DOP1B: variants seen among roughly 807,000 people sequenced by gnomAD.
The protein encoded by DOP1B is protein DOP1B.
A neutral mutation model predicts 233.5 loss-of-function variants in DOP1B; 174 were observed. The observed-to-expected ratio is 0.75, with a 90% confidence interval of 0.66 to 0.85. The LOEUF (loss-of-function observed/expected upper bound fraction) is 0.85, where lower values mean the gene tolerates loss of function less well. Among genes scored for constraint, DOP1B ranks in the 40% least tolerant of loss-of-function variants. DOP1B has a pLI of 0.00. For synonymous variants in DOP1B, 1,190 were observed against 1,185.6 expected, an observed-to-expected ratio of 1.00 and a Z score of -0.08; for missense variants, 2,652 against 2,846.6, an observed-to-expected ratio of 0.93 and a Z score of 1.56.
chr21:36,164,556 C>A, intron 1 of DOP1B, 152 bp from the exon 2 acceptor site: 2 of 473,100 alleles, frequency 4.2e-6, no homozygotes, highest in Non-Finnish European at 7.0e-6. Flanking sequence ...CAGTGCCTGG[C>A]CCAGAAGCCT....
intron 23 of DOP1B, among the ~76,000 whole-genome samples, chr21:36,257,630 A>AAG (rs776188664): frequency 6.6e-6 from 1 of 152,156 alleles, no homozygotes; most frequent in Non-Finnish European, 1.5e-5. Flanking sequence ...AGATAGATAG[A>AAG]TAGATAGATA....
intron 15 of DOP1B, among the ~76,000 whole-genome samples, chr21:36,235,203 G>A (rs1349292142): frequency 6.6e-6 from 1 of 152,148 alleles, no homozygotes; most frequent in African/African-American, 2.4e-5. Context: ...TAGCCAGGAC[G>A]TGCCCCCAAT....
chr21:36,203,538 A>C (rs142222484), intron 4 of DOP1B, among the ~76,000 whole-genome samples: 1 of 152,264 alleles, frequency 6.6e-6, no homozygotes, highest in African/African-American at 2.4e-5. Context: ...ACTGCACTCT[A>C]GCCTGGGCAA....
At chr21:36,248,242 C>T in intron 20 of DOP1B, 138 bp from the exon 21 acceptor site, 1 of 794,774 alleles carries the variant, frequency 1.3e-6, no homozygotes, top group Non-Finnish European at 2.0e-6. Context: ...GCTTATTGCT[C>T]CCAGACCACC....
intron 11 of DOP1B, among the ~76,000 whole-genome samples, chr21:36,225,262 C>T (rs1260554731): frequency 1.3e-5 from 2 of 151,242 alleles, no homozygotes; most frequent in Non-Finnish European, 2.9e-5. Flanking sequence ...CAGAGTCTTG[C>T]TCTGTCACCC....
At chr21:36,255,679 G>T (rs1396694534) in intron 23 of DOP1B, among the ~76,000 whole-genome samples, 1 of 152,036 alleles carries the variant, frequency 6.6e-6, no homozygotes, top group East Asian at 1.9e-4. Flanking sequence ...CAATCCTCCT[G>T]CCTCGGCCTC....
At chr21:36,288,564 A>G (rs1221668617) in intron 33 of DOP1B, among the ~76,000 whole-genome samples, 192 bp from the exon 34 acceptor site, 1 of 152,112 alleles carries the variant, frequency 6.6e-6, no homozygotes, top group East Asian at 1.9e-4. Context: ...CATGGCGGGA[A>G]GTTGCATCTG....
intron 11 of DOP1B, among the ~76,000 whole-genome samples, 189 bp downstream of exon 11, chr21:36,223,539 C>T (rs529159342): frequency 7.0e-4 from 107 of 152,204 alleles, no homozygotes; most frequent in Non-Finnish European, 1.3e-3. Context: ...AAAACATCTC[C>T]AATAAGAAGG....
At chr21:36,269,291 G>C (rs542191203) in intron 26 of DOP1B, among the ~76,000 whole-genome samples, 1 of 152,064 alleles carries the variant, frequency 6.6e-6, no homozygotes, top group African/African-American at 2.4e-5. Flanking sequence ...AAGTAGCTGG[G>C]ATTACAGGCA....
intron 2 of DOP1B, among the ~76,000 whole-genome samples, chr21:36,196,080 G>A (rs982832154): frequency 6.6e-6 from 1 of 152,250 alleles, no homozygotes; most frequent in African/African-American, 2.4e-5. Context: ...TGCACAGACT[G>A]AGGGAACCTC....
Position 36,277,004 on chromosome 21 carries a change from G to T in DOP1B, c.5633-17G>T. 1.9e-6 allele frequency: 3 copies of T among 1,613,640 alleles called. No homozygotes were observed. In the East Asian group the frequency reaches 6.7e-5, roughly 36 times the overall value. On this transcript the variant is annotated splice_polypyrimidine_tract_variant and intron_variant, in intron 27 of 36. Transcript: ENST00000691173. Reference sequence around the variant, plus strand: ...ATCCATCATAGTTAACATACAAATGGCTCTTTCTGTTCACAGATGCTGCTG... The same window carrying T: ...ATCCATCATAGTTAACATACAAATGTCTCTTTCTGTTCACAGATGCTGCTG...
At chr21:36,226,214 G>A (rs1484761259) in intron 12 of DOP1B, among the ~76,000 whole-genome samples, 1 of 152,070 alleles carries the variant, frequency 6.6e-6, no homozygotes, top group African/African-American at 2.4e-5. Context: ...AGGAATTTGA[G>A]ACCAGCCTGG....
intron 2 of DOP1B, among the ~76,000 whole-genome samples, chr21:36,173,076 C>T (rs1220740967): frequency 6.6e-6 from 1 of 152,144 alleles, no homozygotes; most frequent in African/African-American, 2.4e-5. Flanking sequence ...GCCAAGATTG[C>T]ACCACTGCAC....
chr21:36,190,009 C>CA (rs541833307), intron 2 of DOP1B, among the ~76,000 whole-genome samples: 1,596 of 105,784 alleles, frequency 0.015, 68 homozygotes, highest in African/African-American at 0.039. Flanking sequence ...TACTCCGTCT[C>CA]AAAAAAAAAA....
intron 4 of DOP1B, 121 bp from the exon 5 acceptor site, chr21:36,208,594 G>A: frequency 9.5e-7 from 1 of 1,050,952 alleles, no homozygotes; most frequent in Non-Finnish European, 1.3e-6. Flanking sequence ...GATGAGGAAG[G>A]TGGGGCTTCC....
At chr21:36,258,663 T>G (rs2123628595) in intron 23 of DOP1B, among the ~76,000 whole-genome samples, 1 of 152,358 alleles carries the variant, frequency 6.6e-6, no homozygotes, top group Non-Finnish European at 1.5e-5. Flanking sequence ...GCTCCTGGTC[T>G]CTTCCTTCGT....
At chr21:36,216,888 A>G (rs1346010284) in intron 9 of DOP1B, among the ~76,000 whole-genome samples, 2 of 152,086 alleles carry the variant, frequency 1.3e-5, no homozygotes, top group African/African-American at 4.8e-5. Flanking sequence ...CAGTCTAGCC[A>G]ATATGGTGAA....
At chr21:36,164,540 C>A in intron 1 of DOP1B, 168 bp from the exon 2 acceptor site, 3 of 410,324 alleles carry the variant, frequency 7.3e-6, no homozygotes, top group Admixed American at 4.5e-5. Flanking sequence ...TATCTTTCAT[C>A]TCCCACAGTG....
At chr21:36,171,434 T>G (rs1396824495) in intron 2 of DOP1B, among the ~76,000 whole-genome samples, 1 of 152,176 alleles carries the variant, frequency 6.6e-6, no homozygotes, top group Non-Finnish European at 1.5e-5. Context: ...AGTATGTAAC[T>G]TGATTTGGAA....
Sources: gnomAD v4.1 joint callset for allele counts (sites outside exome capture counted in the v4.1 genomes callset) on GRCh38, gnomAD v4.1.1 for gene constraint, MANE v1.5 for transcripts, NCBI Gene and HGNC (gene_info 2026-07-23, HGNC 2026-07-21) for gene names.